Variants in KLHDC10 observed in about 807,000 individuals in gnomAD.
KLHDC10 encodes kelch domain-containing protein 10.
A neutral mutation model predicts 56.1 loss-of-function variants in KLHDC10; 24 were observed. The observed-to-expected ratio is 0.43, with a 90% CI of 0.31 to 0.60. The LOEUF (loss-of-function observed/expected upper bound fraction) is 0.60. Ranked by LOEUF, KLHDC10 falls within the 20% of genes least tolerant of loss-of-function variation. The pLI is 0.11. For synonymous variants in KLHDC10, 188 were observed against 207.1 expected, an observed-to-expected ratio of 0.91 and a Z score of 0.79; for missense variants, 349 against 567.0, an observed-to-expected ratio of 0.62 and a Z score of 3.91.
intron 1 of KLHDC10, among the ~76,000 whole-genome samples, chr7:130,091,669 C>G (rs1345744291): frequency 6.6e-6 from 1 of 152,148 alleles, no homozygotes; most frequent in Non-Finnish European, 1.5e-5. Flanking sequence ...AGCCTCCCTT[C>G]CTACCCTTAT....
intron 2 of KLHDC10, among the ~76,000 whole-genome samples, chr7:130,104,993 A>G (rs1285263378): frequency 6.6e-6 from 1 of 152,216 alleles, no homozygotes; most frequent in Non-Finnish European, 1.5e-5. Flanking sequence ...ATGGCCAATA[A>G]ACATGAAAAG....
chr7:130,073,236 C>CA (rs1215746225), intron 1 of KLHDC10, among the ~76,000 whole-genome samples: 1 of 150,578 alleles, frequency 6.6e-6, no homozygotes, highest in African/African-American at 2.4e-5. Context: ...ACAACAACAA[C>CA]AAAAAACTAT....
At chr7:130,103,694 C>T (rs1795966992) in intron 2 of KLHDC10, among the ~76,000 whole-genome samples, 1 of 152,036 alleles carries the variant, frequency 6.6e-6, no homozygotes, top group Non-Finnish European at 1.5e-5. Flanking sequence ...AATTCAGTAC[C>T]CGGCCTCACT....
chr7:130,115,574 G>C (rs1343360697), intron 2 of KLHDC10, among the ~76,000 whole-genome samples: 3 of 151,856 alleles, frequency 2.0e-5, no homozygotes, highest in Non-Finnish European at 4.4e-5. Context: ...AATTAGCCAG[G>C]CATGGTGGCG....
At chr7:130,089,289 A>G (rs757447544) in intron 1 of KLHDC10, among the ~76,000 whole-genome samples, 4 of 152,216 alleles carry the variant, frequency 2.6e-5, no homozygotes, top group Non-Finnish European at 2.9e-5. Flanking sequence ...CCCCGGCCCC[A>G]TCTCTACAAT....
chr7:130,084,440 G>T (rs1342662076), intron 1 of KLHDC10, among the ~76,000 whole-genome samples: 1 of 152,112 alleles, frequency 6.6e-6, no homozygotes, highest in East Asian at 1.9e-4. Flanking sequence ...GCATTAATAG[G>T]ATTTGCTATG....
intron 1 of KLHDC10, among the ~76,000 whole-genome samples, chr7:130,094,303 A>G (rs1033818446): frequency 6.6e-6 from 1 of 152,224 alleles, no homozygotes; most frequent in Non-Finnish European, 1.5e-5. Flanking sequence ...ATAAAATCAT[A>G]TATCGTAGAA....
intron 2 of KLHDC10, among the ~76,000 whole-genome samples, chr7:130,114,946 G>T (rs1425317173): frequency 6.6e-6 from 1 of 152,062 alleles, no homozygotes; most frequent in African/African-American, 2.4e-5. Flanking sequence ...TTGGGCAGGG[G>T]ACTTGATACT....
chr7:130,112,597 A>G (rs1796116224), intron 2 of KLHDC10, among the ~76,000 whole-genome samples: 1 of 152,338 alleles, frequency 6.6e-6, no homozygotes, highest in African/African-American at 2.4e-5. Flanking sequence ...AGTTTTGTCA[A>G]GGTTGAGGAC....
chr7:130,090,804 C>G (rs1487297932), intron 1 of KLHDC10, among the ~76,000 whole-genome samples: 1 of 136,838 alleles, frequency 7.3e-6, no homozygotes, highest in African/African-American at 2.5e-5. Flanking sequence ...GTATCATATT[C>G]TGTACAATTT....
chr7:130,094,832 A>G (rs1392182260), intron 1 of KLHDC10: 1 of 152,166 alleles, frequency 6.6e-6, no homozygotes, highest in Non-Finnish European at 1.5e-5. Context: ...ACCATTATAA[A>G]TAATACCATA....
At chr7:130,125,800 C>T in intron 6 of KLHDC10, 65 bp from the exon 7 acceptor site, 2 of 1,282,462 alleles carry the variant, frequency 1.6e-6, no homozygotes, top group South Asian at 2.7e-5. Flanking sequence ...TTAAAAAATC[C>T]TTTTTCAGGC....
chr7:130,097,705 C>T (rs1162419394), intron 2 of KLHDC10, among the ~76,000 whole-genome samples: 1 of 152,032 alleles, frequency 6.6e-6, no homozygotes, highest in East Asian at 1.9e-4. Flanking sequence ...GAAGATAAAG[C>T]TCATATATTG....
chr7:130,105,416 T>G (rs2116883507), intron 2 of KLHDC10, among the ~76,000 whole-genome samples: 1 of 152,280 alleles, frequency 6.6e-6, no homozygotes, highest in Non-Finnish European at 1.5e-5. Context: ...ATAAATAATA[T>G]TTGGCAAGGG....
At chr7:130,103,435 A>T (rs916375256) in intron 2 of KLHDC10, among the ~76,000 whole-genome samples, 6 of 151,664 alleles carry the variant, frequency 4.0e-5, no homozygotes, top group African/African-American at 1.5e-4. Context: ...AAAAAAAAAA[A>T]ATCTGAGTTT....
At chr7:130,090,927 T>C (rs1259531834) in intron 1 of KLHDC10, among the ~76,000 whole-genome samples, 1 of 152,184 alleles carries the variant, frequency 6.6e-6, no homozygotes, top group Non-Finnish European at 1.5e-5. Flanking sequence ...GGCAAACCCC[T>C]AGTGACCACT....
intron 2 of KLHDC10, among the ~76,000 whole-genome samples, chr7:130,109,965 A>G (rs548119467): frequency 1.3e-5 from 2 of 152,286 alleles, no homozygotes; most frequent in East Asian, 3.9e-4. Flanking sequence ...AGCAGTAGAA[A>G]ATCTGAGATT....
intron 6 of KLHDC10, among the ~76,000 whole-genome samples, chr7:130,125,140 C>A (rs1285906497): frequency 6.6e-6 from 1 of 152,192 alleles, no homozygotes; most frequent in Non-Finnish European, 1.5e-5. Flanking sequence ...ATGATACATG[C>A]CCCTTGTAGA....
chr7:130,124,384 T>G (rs1796287639), intron 5 of KLHDC10, 67 bp from the exon 6 acceptor site: 1 of 911,274 alleles, frequency 1.1e-6, no homozygotes, highest in African/African-American at 1.7e-5. Flanking sequence ...ATAAAAAACC[T>G]TATAGCTAAA....
Sources: gnomAD v4.1 joint callset for allele counts (sites outside exome capture counted in the v4.1 genomes callset) on GRCh38, gnomAD v4.1.1 for gene constraint, MANE v1.5 for transcripts, NCBI Gene and HGNC (gene_info 2026-07-23, HGNC 2026-07-21) for gene names.